RPAP3: variants seen among roughly 807,000 people sequenced by gnomAD.
RPAP3 encodes the protein RNA polymerase II-associated protein 3.
RPAP3 carries 58 observed loss-of-function variants against 88.8 expected under a neutral mutation model. That is an observed-to-expected ratio of 0.65 (90% CI 0.53 to 0.81). RPAP3 has a LOEUF of 0.81. RPAP3 is among the 40% of genes least tolerant of loss of function. The pLI is 0.00. For synonymous variants in RPAP3, 255 were observed against 259.9 expected (o/e 0.98, Z 0.18); for missense variants, 751 against 764.3 (o/e 0.98, Z 0.20).
Position 47,697,581 on chromosome 12 carries a change from C to T in RPAP3, c.417+16G>A. 1 of 1,580,976 alleles carries T rather than the reference C, an allele frequency of 6.3e-7. No individual in the cohort carries two copies. ...CCTGCTTACATGAAAAAAAACAAAACCTAACTAATTAGTACCTTTTCTTTT... is the reference window on the plus strand; with the variant it reads ...CCTGCTTACATGAAAAAAAACAAAATCTAACTAATTAGTACCTTTTCTTTT... On this transcript the variant is annotated intron_variant, in intron 4 of 16. Transcript: ENST00000005386.
chr12:47,670,083 G>T, intron 13 of RPAP3, 24 bp downstream of exon 13: 1 of 1,401,110 alleles, frequency 7.1e-7, no homozygotes, highest in Non-Finnish European at 1.0e-6. Context: ...TGGATGATCA[G>T]CAAATAACAG....
chr12:47,681,638 CTTCT>C, intron 10 of RPAP3, 54 bp downstream of exon 10: 2 of 1,560,908 alleles, frequency 1.3e-6, no homozygotes, highest in Admixed American at 1.9e-5. Flanking sequence ...TGAATCTCTG[CTTCT>C]TTAACTTGGG....
rs914292577 is a variant in RPAP3, at chr12:47,702,637, A to C, written c.153+51T>G. On this transcript the variant is annotated intron_variant, in intron 2 of 16. Transcript: ENST00000005386. The stretch of plus-strand genomic sequence containing the variant: ...AAAACATTTTTAAAAGTTATGCTTT[A>C]TTTTTATAAAATTAGTTTTGGTGGA... 9 of 1,397,520 alleles carry C rather than the reference A, an allele frequency of 6.4e-6. No homozygotes were observed. In the African/African-American group the frequency reaches 1.3e-4, roughly 20 times the overall value. The allele number at this position is 1,397,520 out of a possible 1,614,324, so 86.6% of individuals were successfully genotyped here. A position where few individuals can be genotyped will look rare whatever the true frequency, so the allele number is the denominator to read the frequency against.
chr12:47,705,834 C>A (rs1308067481), intron 1 of RPAP3, 118 bp downstream of exon 1: 1 of 160,702 alleles, frequency 6.2e-6, no homozygotes. Context: ...GCGCCTCCAC[C>A]GCCAGCCCCG....
At chr12:47,693,376 A>T (rs895326184) in intron 5 of RPAP3, among the ~76,000 whole-genome samples, 1 of 152,188 alleles carries the variant, frequency 6.6e-6, no homozygotes, top group Non-Finnish European at 1.5e-5. Flanking sequence ...CCCTGATCAG[A>T]GATCACCATA....
rs79229435 is a variant in RPAP3, at chr12:47,694,766, T to C, written c.545+1510A>G. On this transcript the variant is annotated intron_variant, in intron 5 of 16. Transcript: ENST00000005386. ...CTTAACCTTACTAATAGTTGAGAAA[T>C]GAAAACCTTACTAATAGCTGAGAAA... Among the ~76,000 whole-genome samples, 636 of 151,718 alleles carry C rather than the reference T, an allele frequency of 4.2e-3. 5 individuals are homozygous for C. Among genetic ancestry groups the C allele is most frequent in the African/African-American group, 0.014 (598 of 41,376 alleles).
chr12:47,676,553 G>C (rs1049539437), intron 12 of RPAP3, among the ~76,000 whole-genome samples: 4 of 152,134 alleles, frequency 2.6e-5, no homozygotes, highest in African/African-American at 9.7e-5. Flanking sequence ...AATACAAAAT[G>C]ATAAAGGGGA....
Position 47,663,479 on chromosome 12 carries a change from A to C in RPAP3, c.*26T>G, listed in dbSNP as rs1484779685. On this transcript the variant is annotated 3_prime_UTR_variant, in exon 17 of 17. Coordinates refer to ENST00000005386, the MANE Select transcript of RPAP3 (RefSeq NM_024604.3). ...AAAAAATTTACATATGAAAGTCAAA[A>C]ACAATTATTTCAGCAAAAATGGAAA... The C allele has an allele frequency of 6.7e-7, 1 of 1,482,784 alleles. No individual in the cohort carries two copies. Among genetic ancestry groups the C allele is most frequent in the South Asian group, 1.2e-5 (1 of 81,848 alleles). 91.9% of individuals were successfully genotyped at this position (1,482,784 alleles called of 1,614,324 possible). A position where few individuals can be genotyped will look rare whatever the true frequency, so the allele number is the denominator to read the frequency against.
chr12:47,670,223 T>C lies in RPAP3; in HGVS notation c.1410A>G (p.Ala470=), dbSNP rs1469246335. 6 of 1,613,888 alleles carry C rather than the reference T, an allele frequency of 3.7e-6. No individual in the cohort carries two copies. Among genetic ancestry groups the C allele is most frequent in the Non-Finnish European group, 5.1e-6 (6 of 1,179,786 alleles). ...NNPINLANVI[A]ATGTTSKKNS... ...TCTTCTTACTTGTGGTGCCTGTGGC[T>C]GCTATTACATTTGCTAGATTAATAG... Residue 470 remains alanine (A), a synonymous_variant, in exon 13 of 17, where the codon GCA becomes GCG. Transcript: ENST00000005386.
At position 47,679,606 on chromosome 12, in the gene RPAP3, A is replaced by G; in HGVS notation, c.1186-12T>C. The stretch of plus-strand genomic sequence containing the variant: ...TTCTCAATTAATTCCTTGAAAATAA[A>G]TTTATAACCCTAACTTTCAAAATAT... On this transcript the variant is annotated splice_polypyrimidine_tract_variant and intron_variant, in intron 11 of 16. Transcript: ENST00000005386. 1 of 1,565,914 alleles carries G rather than the reference A, an allele frequency of 6.4e-7. No homozygotes were observed. The highest frequency in any genetic ancestry group is 8.7e-7 in the Non-Finnish European group (1 of 1,144,170).
intron 14 of RPAP3, 46 bp from the exon 15 acceptor site, chr12:47,667,897 A>G (rs1938914768): frequency 8.4e-7 from 1 of 1,191,614 alleles, no homozygotes; most frequent in Non-Finnish European, 1.2e-6. Context: ...CAACACTTAC[A>G]TATCACAAAT....
intron 5 of RPAP3, among the ~76,000 whole-genome samples, chr12:47,692,538 G>A (rs961455187): frequency 2.0e-5 from 3 of 152,184 alleles, no homozygotes; most frequent in Admixed American, 6.5e-5. Context: ...CTAAATTGAA[G>A]AGCATTAGAG....
intron 5 of RPAP3, among the ~76,000 whole-genome samples, chr12:47,692,854 C>G (rs185914656): frequency 1.4e-3 from 220 of 152,266 alleles, no homozygotes; most frequent in African/African-American, 5.1e-3. Context: ...CACTTGAATA[C>G]TTATATGCCA....
intron 5 of RPAP3, 46 bp downstream of exon 5, chr12:47,696,230 T>C: frequency 1.4e-6 from 2 of 1,416,486 alleles, no homozygotes; most frequent in Non-Finnish European, 1.9e-6. Flanking sequence ...AGTCTCCATA[T>C]ATACATAAGA....
intron 3 of RPAP3, 25 bp downstream of exon 3, chr12:47,701,439 G>A: frequency 6.6e-7 from 1 of 1,513,130 alleles, no homozygotes; most frequent in Non-Finnish European, 8.8e-7. Context: ...CAAATATTAA[G>A]AAGCAAATGA....
chr12:47,666,754 T>A (rs1938882042), intron 16 of RPAP3, among the ~76,000 whole-genome samples: 1 of 152,194 alleles, frequency 6.6e-6, no homozygotes, highest in Non-Finnish European at 1.5e-5. Flanking sequence ...GTGAAAACAG[T>A]ACCTACACTT....
In RPAP3 at chr12:47,681,685, T is replaced by C. The variant is rs1459774810; in HGVS notation, c.1114+11A>G. The C allele has an allele frequency of 1.9e-6, 3 of 1,611,444 alleles. No individual in the cohort carries two copies. The highest frequency in any genetic ancestry group is 1.1e-5 in the South Asian group (1 of 90,350). ...CAGGATGACTGAGTGCCAGCTGTTATAAAGTCTTACCTTGTTTTGCCTCAT... is the reference window on the plus strand; with the variant it reads ...CAGGATGACTGAGTGCCAGCTGTTACAAAGTCTTACCTTGTTTTGCCTCAT... On this transcript the variant is annotated intron_variant, in intron 10 of 16. Coordinates refer to ENST00000005386, the MANE Select transcript of RPAP3 (RefSeq NM_024604.3).
intron 5 of RPAP3, 38 bp from the exon 6 acceptor site, chr12:47,690,677 A>C: frequency 7.4e-7 from 1 of 1,352,872 alleles, no homozygotes; most frequent in Non-Finnish European, 9.9e-7. Flanking sequence ...AAAGTTAATA[A>C]AACTAATTTA....
At chr12:47,693,851 C>A (rs1033335550) in intron 5 of RPAP3, among the ~76,000 whole-genome samples, 4 of 152,180 alleles carry the variant, frequency 2.6e-5, no homozygotes, top group African/African-American at 4.8e-5. Context: ...GAGAGACCAA[C>A]AAGAGACAAA....
Sources: allele counts gnomAD v4.1 joint callset (sites outside exome capture counted in the v4.1 genomes callset), GRCh38; gene constraint gnomAD v4.1.1; transcripts MANE v1.5; gene names NCBI Gene and HGNC (gene_info 2026-07-23, HGNC 2026-07-21).